Variants in VPS13C observed in about 807,000 individuals in gnomAD.
VPS13C encodes intermembrane lipid transfer protein VPS13C.
VPS13C carries 358 observed loss-of-function variants against 456.8 expected under a neutral mutation model. The observed-to-expected ratio is 0.78, with a 90% CI of 0.72 to 0.86. The LOEUF is 0.86. VPS13C is among the 40% of genes least tolerant of loss of function. VPS13C has a pLI of 0.00. For missense variants in VPS13C, 4,818 were observed against 4,385.4 expected (o/e 1.10, Z -2.79); for synonymous variants, 1,578 against 1,486.7 (o/e 1.06, Z -1.41).
At chr15:62,048,109 TTTA>T (rs1259276173) in intron 1 of VPS13C, among the ~76,000 whole-genome samples, 3 of 151,482 alleles carry the variant, frequency 2.0e-5, no homozygotes, top group Admixed American at 1.3e-4. Context: ...CTTTTTTTAT[TTTA>T]TTATTATTAT....
intron 2 of VPS13C, 29 bp downstream of exon 2, chr15:62,044,183 G>A: frequency 7.0e-7 from 1 of 1,436,828 alleles, no homozygotes; most frequent in Non-Finnish European, 9.6e-7. Context: ...AATTAAGTGA[G>A]TTATTAGCAT....
chr15:61,930,515 A>G (rs1015501685), intron 50 of VPS13C, among the ~76,000 whole-genome samples: 30 of 152,366 alleles, frequency 2.0e-4, no homozygotes, highest in South Asian at 1.7e-3. Context: ...CAACAAAAAA[A>G]TCAGATACAA....
chr15:61,928,223 G>A (rs921379779), intron 51 of VPS13C, among the ~76,000 whole-genome samples: 6 of 151,990 alleles, frequency 3.9e-5, no homozygotes, highest in African/African-American at 1.4e-4. Context: ...ATCCTGTTTT[G>A]AAGTTCTTTT....
In VPS13C at chr15:61,867,172, T is replaced by C; in HGVS notation, c.10863+1487A>G. On this transcript the variant is annotated intron_variant, in intron 81 of 84. Coordinates refer to ENST00000644861, the MANE Select transcript of VPS13C (RefSeq NM_020821.3). This position sits in a 1 kb window ranked among gnomAD's most constrained non-coding sequence, Gnocchi z 5.0. ...ACACAGCAATTTGCCTAATTACATG[T>C]TCAACTTCTATCTACATTAATTAAA... is the stretch of plus-strand genomic sequence containing the variant. 1 of 984,152 alleles carries C rather than the reference T, an allele frequency of 1.0e-6. No individual in the cohort carries two copies. Among genetic ancestry groups the C allele is most frequent in the South Asian group, 4.7e-5 (1 of 21,278 alleles). The allele number at this position is 984,152 out of a possible 1,614,324, so 61.0% of individuals were successfully genotyped here. A position where few individuals can be genotyped will look rare whatever the true frequency, so the allele number is the denominator to read the frequency against.
At chr15:62,006,049 C>T (rs184904262) in intron 15 of VPS13C, among the ~76,000 whole-genome samples, 8 of 151,444 alleles carry the variant, frequency 5.3e-5, no homozygotes, top group East Asian at 1.9e-4. Flanking sequence ...TCTTCTTTCC[C>T]GAGAAGTAAA....
chr15:62,023,716 C>A, intron 7 of VPS13C, 64 bp downstream of exon 7: 1 of 1,445,368 alleles, frequency 6.9e-7, no homozygotes, highest in South Asian at 1.2e-5. Context: ...TTTCACATTC[C>A]AAATCAGAAA....
chr15:62,037,629 A>G (rs1171013350), intron 3 of VPS13C, among the ~76,000 whole-genome samples: 2 of 150,914 alleles, frequency 1.3e-5, no homozygotes, highest in Non-Finnish European at 2.9e-5. Context: ...CTTGAAGACA[A>G]AGATATCACC....
chr15:61,866,618 A>G (rs1040144993), intron 81 of VPS13C: 17 of 985,112 alleles, frequency 1.7e-5, no homozygotes, highest in Non-Finnish European at 1.9e-5. Flanking sequence ...ATGTGGTGAC[A>G]TTTTTGCCAA....
chr15:62,012,221 G>GACAC lies in VPS13C; in HGVS notation c.826-61_826-58dup, dbSNP rs67220908. 0.024 allele frequency: 12,452 copies of GACAC among 509,922 alleles called. 167 individuals are homozygous for GACAC. The highest frequency in any genetic ancestry group is 0.066 in the East Asian group (1,785 of 26,994). The allele number at this position is 509,922 out of a possible 1,614,324, so 31.6% of individuals were successfully genotyped here. ...GAAAATGCACACATATTCAGACTCAGACACACACACACACACACACACACA... is the reference window on the plus strand; with the variant it reads ...GAAAATGCACACATATTCAGACTCAGACACACACACACACACACACACACACACA... On this transcript the variant is annotated intron_variant, in intron 11 of 84. Transcript: ENST00000644861.
At chr15:62,045,455 A>G (rs763412786) in intron 1 of VPS13C, among the ~76,000 whole-genome samples, 30 of 152,150 alleles carry the variant, frequency 2.0e-4, no homozygotes, top group Non-Finnish European at 4.1e-4. Context: ...CTGGGTGGAT[A>G]AGAAAAGAGG....
intron 20 of VPS13C, 21 bp from the exon 21 acceptor site, chr15:61,982,594 C>A: frequency 6.4e-7 from 1 of 1,555,760 alleles, no homozygotes. Flanking sequence ...ATTTTTTTAA[C>A]ATAACCAAGT....
In VPS13C at chr15:62,023,478, A is replaced by C; in HGVS notation, c.557T>G (p.Leu186Trp). ...EAKKDTFVEK[L>W]ATQVIKNVQV... is the part of the protein sequence containing the mutation. The stretch of plus-strand genomic sequence containing the variant: ...TACATTTTTTATTACTTGAGTTGCC[A>C]ATTTTTCCACAAATGTATCCTTTTT... The change falls in exon 8 of 85, where the codon TTG (leucine) becomes TGG (tryptophan). Residue 186 changes from leucine to tryptophan, a missense_variant. This residue lies in a region of VPS13C where 4,552 missense variants were observed against 4,130.6 expected (regional missense o/e 1.10). Transcript: ENST00000644861. 6.3e-7 allele frequency: 1 copy of C among 1,586,556 alleles called. No homozygotes were observed. Among genetic ancestry groups the C allele is most frequent in the Non-Finnish European group, 8.6e-7 (1 of 1,168,874 alleles).
chr15:62,048,600 A>G (rs896520580), intron 1 of VPS13C, among the ~76,000 whole-genome samples: 5 of 152,128 alleles, frequency 3.3e-5, no homozygotes, highest in African/African-American at 9.6e-5. Flanking sequence ...ATGATTTATA[A>G]TCCTTTGGGT....
intron 15 of VPS13C, among the ~76,000 whole-genome samples, chr15:62,004,165 T>G (rs964285813): frequency 9.2e-5 from 14 of 151,778 alleles, no homozygotes; most frequent in Non-Finnish European, 1.9e-4. Flanking sequence ...TCTTTTTGGT[T>G]GGTAAACTAT....
At chr15:61,861,683 A>G (rs1018714995) in intron 82 of VPS13C, among the ~76,000 whole-genome samples, 1 of 152,202 alleles carries the variant, frequency 6.6e-6, no homozygotes, top group Non-Finnish European at 1.5e-5. Context: ...TTCTTTAAAA[A>G]AGAAAATGTT....
At chr15:61,934,525 AT>A (rs1206075254) in intron 48 of VPS13C, among the ~76,000 whole-genome samples, 194 bp from the exon 49 acceptor site, 2 of 152,196 alleles carry the variant, frequency 1.3e-5, no homozygotes, top group Non-Finnish European at 2.9e-5. Flanking sequence ...TTCCATATAT[AT>A]TTAGCATATA....
rs376829284 is a variant in VPS13C, at chr15:61,931,151, C to A, written c.5977G>T (p.Val1993Phe). 1 of 1,613,984 alleles carries A rather than the reference C, an allele frequency of 6.2e-7. No homozygotes were observed. ...TCAAGGGTGCATGTCTTAAGTTTAA[C>A]GCTGACATTCATTGAGCCATCCTTA... The part of the protein sequence containing the change: ...MFKDGSMNVS[V>F]KLKTCTLDDL... The change falls in exon 50 of 85, where the codon GTT (valine) becomes TTT (phenylalanine). Residue 1993 changes from valine (V) to phenylalanine (F), a missense_variant. Coordinates refer to ENST00000644861, the MANE Select transcript of VPS13C (RefSeq NM_020821.3).
chr15:61,995,527 T>C (rs1419396257), intron 16 of VPS13C, among the ~76,000 whole-genome samples: 1 of 152,218 alleles, frequency 6.6e-6, no homozygotes, highest in Non-Finnish European at 1.5e-5. Context: ...TACACAAGAC[T>C]TTAGTGACCA....
At chr15:61,931,644 C>A (rs183512807) in intron 49 of VPS13C, among the ~76,000 whole-genome samples, 296 of 148,056 alleles carry the variant, frequency 2.0e-3, no homozygotes, top group African/African-American at 6.9e-3. Context: ...GTGGCGCGAT[C>A]TCGGCTCACT....
Sources: gnomAD v4.1 joint callset for allele counts (sites outside exome capture counted in the v4.1 genomes callset) on GRCh38, gnomAD v4.1.1 for gene constraint, gnomAD v4.1.1 regional missense constraint, Gnocchi (gnomAD v3.1) non-coding constraint, MANE v1.5 for transcripts, NCBI Gene and HGNC (gene_info 2026-07-23, HGNC 2026-07-21) for gene names.